PHF12: variants seen among roughly 807,000 people sequenced by gnomAD.
PHF12 encodes PHD finger protein 12, also known as PHD factor 1.
In PHF12, 6 loss-of-function variants were observed where a neutral mutation model predicts 99.8. That is an observed-to-expected ratio of 0.06 (90% CI 0.03 to 0.12). PHF12 has a LOEUF of 0.12. Among genes scored for constraint, PHF12 ranks in the 10% least tolerant of loss-of-function variants. PHF12 has a pLI of 1.00. For synonymous variants in PHF12, 480 were observed against 514.9 expected (o/e 0.93, Z 0.92); for missense variants, 954 against 1,300.1 (o/e 0.73, Z 4.09).
At chr17:28,916,631 C>T (rs2040067397) in intron 7 of PHF12, among the ~76,000 whole-genome samples, 1 of 152,238 alleles carries the variant, frequency 6.6e-6, no homozygotes. Flanking sequence ...AGTGTTGGAC[C>T]CTCTAGGTTA....
Position 28,950,807 on chromosome 17 carries a change from G to A in PHF12, c.66+88C>T, listed in dbSNP as rs1467002310. 7.1e-6 allele frequency: 11 copies of A among 1,547,848 alleles called. No homozygotes were observed. The highest frequency in any genetic ancestry group is 9.6e-6 in the Non-Finnish European group (11 of 1,140,894). On this transcript the variant is annotated intron_variant, in intron 1 of 14. Transcript: ENST00000332830. This position sits in a 1 kb window ranked among gnomAD's most constrained non-coding sequence, Gnocchi z 5.7. ...ATCCCCCTCCCTCGGCCATCTAGGCGCTTCGAGTTTAGGACTGGCTTTGTG... is the reference window on the plus strand; with the variant it reads ...ATCCCCCTCCCTCGGCCATCTAGGCACTTCGAGTTTAGGACTGGCTTTGTG...
chr17:28,947,074 C>A (rs2040734478), intron 2 of PHF12, among the ~76,000 whole-genome samples: 1 of 150,626 alleles, frequency 6.6e-6, no homozygotes, highest in African/African-American at 2.4e-5. Flanking sequence ...ACCTCTGCTG[C>A]CTGGGTTCAA....
chr17:28,944,475 C>A (rs770797689), intron 2 of PHF12: 4 of 976,694 alleles, frequency 4.1e-6, no homozygotes, highest in Non-Finnish European at 4.9e-6. Flanking sequence ...AAGCATGCAT[C>A]TGAACCTGAG....
At chr17:28,921,020 C>G (rs182406806) in intron 5 of PHF12, among the ~76,000 whole-genome samples, 2 of 151,862 alleles carry the variant, frequency 1.3e-5, no homozygotes, top group Non-Finnish European at 2.9e-5. Flanking sequence ...ATTACAGATG[C>G]CTGCCACCAT....
chr17:28,936,776 T>C (rs935146783), intron 2 of PHF12, among the ~76,000 whole-genome samples: 2 of 152,348 alleles, frequency 1.3e-5, no homozygotes, highest in Admixed American at 6.5e-5. Flanking sequence ...TGATTTTTAA[T>C]TTCACAGTTC....
At chr17:28,913,489 C>T (rs564127810) in intron 8 of PHF12, among the ~76,000 whole-genome samples, 2 of 152,318 alleles carry the variant, frequency 1.3e-5, no homozygotes, top group East Asian at 3.9e-4. Context: ...CTCCCTCTGG[C>T]CAACAGAGCT....
intron 2 of PHF12, among the ~76,000 whole-genome samples, chr17:28,927,527 T>C (rs2040304985): frequency 6.6e-6 from 1 of 152,212 alleles, no homozygotes. Context: ...CAAAACTCTA[T>C]TCATCCTTTC....
In PHF12 at chr17:28,913,114, G is replaced by A. The variant is rs2039996961; in HGVS notation, c.1457C>T (p.Thr486Ile). Reference protein sequence around the residue: ...VTTSLQTADKTPTPSHYPLSC... With the variant: ...VTTSLQTADKIPTPSHYPLSC... Reference sequence around the variant, plus strand: ...CAAGGGGTAGTGGGAAGGTGTAGGTGTCTTGTCAGCTGTTTGCAGGGAGGT... The same window carrying A: ...CAAGGGGTAGTGGGAAGGTGTAGGTATCTTGTCAGCTGTTTGCAGGGAGGT... Residue 486 changes from threonine to isoleucine, a missense_variant, in exon 9 of 15, where the codon ACA becomes ATA. Around this residue, in one of 8 missense-constraint regions of PHF12, gnomAD observed 392 missense variants for 423.1 expected, o/e 0.93. Transcript: ENST00000332830. The A allele has an allele frequency of 1.2e-6, 2 of 1,614,078 alleles. No individual in the cohort carries two copies. The highest frequency in any genetic ancestry group is 2.7e-5 in the African/African-American group (2 of 74,920).
chr17:28,926,457 A>T (rs1190216981), intron 3 of PHF12: 1 of 243,020 alleles, frequency 4.1e-6, no homozygotes, highest in Non-Finnish European at 8.3e-6. Context: ...AGCTCTTGTT[A>T]CCCACAAGAG....
rs112897418 is a variant in PHF12 at position 28,921,972 on chromosome 17, G to C, written c.716-164C>G. ...GGGGTTGATTTTAAGTTAGAAAAAA[G>C]AAAGATTAGGGAGGAAAAAAAAAGA... On this transcript the variant is annotated intron_variant, in intron 4 of 14. Coordinates refer to ENST00000332830, the MANE Select transcript of PHF12 (RefSeq NM_001033561.2). Among the ~76,000 whole-genome samples, 54 of 152,114 alleles carry C rather than the reference G, an allele frequency of 3.5e-4. 1 individual carries two copies. The highest frequency in any genetic ancestry group is 1.3e-3 in the African/African-American group (52 of 41,480).
Position 28,913,342 on chromosome 17 carries a change from T to C in PHF12, c.1294-65A>G, listed in dbSNP as rs575004396. On this transcript the variant is annotated intron_variant, in intron 8 of 14. Coordinates refer to ENST00000332830, the MANE Select transcript of PHF12 (RefSeq NM_001033561.2). ...GAGGCGCCGGTCCTTCCTGCCACAG[T>C]GGCCAGGGCTGCAGCAGAGCTGACA... The C allele has an allele frequency of 5.2e-6, 8 of 1,541,610 alleles. No individual in the cohort carries two copies. In the African/African-American group the frequency reaches 9.6e-5, roughly 18 times the overall value.
rs1219433863 is a variant in PHF12 at position 28,950,276 on chromosome 17, A to C, written c.67-30T>G. 1.3e-6 allele frequency: 2 copies of C among 1,578,770 alleles called. No individual in the cohort carries two copies. The highest frequency in any genetic ancestry group is 1.7e-6 in the Non-Finnish European group (2 of 1,165,062). The stretch of plus-strand genomic sequence containing the variant: ...ACACACATACAAACGGCGTGTGTGC[A>C]CACTCGGAGCTCCCGGGCGGTCCGT... On this transcript the variant is annotated intron_variant, in intron 1 of 14. Transcript: ENST00000332830. The surrounding 1 kb of genome is among the most constrained non-coding windows in gnomAD (Gnocchi z 5.7).
intron 4 of PHF12, among the ~76,000 whole-genome samples, chr17:28,923,653 CAAAAAA>C (rs35263191): frequency 0.011 from 482 of 43,492 alleles, 13 homozygotes; most frequent in African/African-American, 0.044. Context: ...GTGAGACTCA[CAAAAAA>C]AAAAAAAAAA....
intron 4 of PHF12, among the ~76,000 whole-genome samples, chr17:28,922,385 C>T (rs1801642686): frequency 6.6e-6 from 1 of 152,156 alleles, no homozygotes; most frequent in South Asian, 2.1e-4. Context: ...TGAGCCACCA[C>T]ACCTGGCCCA....
chr17:28,920,680 A>G (rs1410322739), intron 5 of PHF12, among the ~76,000 whole-genome samples: 1 of 151,960 alleles, frequency 6.6e-6, no homozygotes, highest in Non-Finnish European at 1.5e-5. Flanking sequence ...CTCCTGCCTC[A>G]GCCTCCTGAG....
In PHF12 at chr17:28,912,969, A is replaced by G; in HGVS notation, c.1602T>C (p.Cys534=). 6.2e-7 allele frequency: 1 copy of G among 1,614,236 alleles called. No homozygotes were observed. The highest frequency in any genetic ancestry group is 1.1e-5 in the South Asian group (1 of 91,090). ...SCAEKSKKTP[C]GTANGPVNTE... ...TGTTCACTGGCCCATTGGCAGTCCCACAAGGGGTTTTCTTGGATTTTTCCG... is the reference window on the plus strand; with the variant it reads ...TGTTCACTGGCCCATTGGCAGTCCCGCAAGGGGTTTTCTTGGATTTTTCCG... The change falls in exon 9 of 15, where the codon TGT becomes TGC. Residue 534 remains cysteine (C), a synonymous_variant. Coordinates refer to ENST00000332830, the MANE Select transcript of PHF12 (RefSeq NM_001033561.2).
At position 28,950,347 on chromosome 17, in the gene PHF12, T is replaced by C. The variant is rs1299606807; in HGVS notation, c.67-101A>G. The C allele has an allele frequency of 7.8e-7, 1 of 1,286,456 alleles. No individual in the cohort carries two copies. Among genetic ancestry groups the C allele is most frequent in the Admixed American group, 2.5e-5 (1 of 40,206 alleles). The allele number at this position is 1,286,456 out of a possible 1,614,324, so 79.7% of individuals were successfully genotyped here. A position where few individuals can be genotyped will look rare whatever the true frequency, so the allele number is the denominator to read the frequency against. On this transcript the variant is annotated intron_variant, in intron 1 of 14. Coordinates refer to ENST00000332830, the MANE Select transcript of PHF12 (RefSeq NM_001033561.2). The surrounding 1 kb of genome is among the most constrained non-coding windows in gnomAD (Gnocchi z 5.7). ...TCCGTCACCCACCCCTCTCCCCCCT[T>C]TTGTCCTTCTTCCTCCCATCCAGGC...
At chr17:28,944,815 C>T (rs1439765288) in intron 2 of PHF12, 4 of 152,214 alleles carry the variant, frequency 2.6e-5, no homozygotes, top group Admixed American at 2.0e-4. Context: ...GGAATCTAGA[C>T]GTTGTCACCT....
chr17:28,907,123 G>A, intron 13 of PHF12, 129 bp from the exon 14 acceptor site: 1 of 1,114,376 alleles, frequency 9.0e-7, no homozygotes, highest in Non-Finnish European at 1.3e-6. Context: ...CCCAGTCATG[G>A]CCCCTGTCCT....
Sources: gnomAD v4.1 joint callset for allele counts (sites outside exome capture counted in the v4.1 genomes callset) on GRCh38, gnomAD v4.1.1 for gene constraint, gnomAD v4.1.1 regional missense constraint, Gnocchi (gnomAD v3.1) non-coding constraint, MANE v1.5 for transcripts, NCBI Gene and HGNC (gene_info 2026-07-23, HGNC 2026-07-21) for gene names.